DAB1: variants seen among roughly 807,000 people sequenced by gnomAD.
DAB1 encodes DAB adaptor protein 1.
Under a neutral mutation model 64.6 loss-of-function variants are expected in DAB1, and 15 were observed. The ratio of observed to expected loss-of-function variants is 0.23; its 90% CI spans 0.16 to 0.36. DAB1 has a LOEUF of 0.36. Among genes scored for constraint, DAB1 ranks in the 10% least tolerant of loss-of-function variants. DAB1 has a pLI of 1.00. For synonymous variants in DAB1, 235 were observed against 251.9 expected, an observed-to-expected ratio of 0.93 and a Z score of 0.64; for missense variants, 596 against 706.7, an observed-to-expected ratio of 0.84 and a Z score of 1.78.
At chr1:58,127,132 C>T (rs1317287645) in intron 5 of DAB1, among the ~76,000 whole-genome samples, 8 of 151,418 alleles carry the variant, frequency 5.3e-5, no homozygotes, top group Non-Finnish European at 1.0e-4. Context: ...TGTTTCCTGA[C>T]TTTTTAATGA....
intron 14 of DAB1, 122 bp from the exon 15 acceptor site, chr1:56,998,250 A>G (rs945518815): frequency 1.3e-5 from 2 of 152,638 alleles, no homozygotes; most frequent in African/African-American, 4.8e-5. Context: ...GGATGACCTT[A>G]GGTTATTTTT....
At chr1:57,594,555 C>T (rs1001437086) in intron 7 of DAB1, among the ~76,000 whole-genome samples, 2 of 152,170 alleles carry the variant, frequency 1.3e-5, no homozygotes, top group African/African-American at 2.4e-5. Context: ...TAGGAGTCAC[C>T]TGAAATCACC....
intron 2 of DAB1, among the ~76,000 whole-genome samples, chr1:57,259,890 C>T (rs1429578119): frequency 6.6e-6 from 1 of 152,114 alleles, no homozygotes; most frequent in Non-Finnish European, 1.5e-5. Flanking sequence ...TCAACATCAA[C>T]CTCTATTTCT....
intron 2 of DAB1, among the ~76,000 whole-genome samples, chr1:57,189,421 T>A (rs1338265761): frequency 2.6e-5 from 4 of 152,186 alleles, no homozygotes; most frequent in African/African-American, 9.7e-5. Flanking sequence ...GGCCAAGTCG[T>A]GTTAGCCCTC....
chr1:57,553,473 A>AAGGAAGGAAGG (rs373756684), intron 7 of DAB1, among the ~76,000 whole-genome samples: 3 of 25,598 alleles, frequency 1.2e-4, no homozygotes, highest in African/African-American at 1.9e-4. Context: ...AAAGGGAAAG[A>AAGGAAGGAAGG]AAGGAAGGAA....
intron 5 of DAB1, among the ~76,000 whole-genome samples, chr1:57,944,400 C>T (rs1041987172): frequency 1.3e-5 from 2 of 152,166 alleles, no homozygotes; most frequent in African/African-American, 4.8e-5. Flanking sequence ...AGTCCACCCC[C>T]ACGTTACTGC....
chr1:57,411,132 A>AT (rs1461495757), intron 1 of DAB1, among the ~76,000 whole-genome samples: 1 of 152,154 alleles, frequency 6.6e-6, no homozygotes, highest in East Asian at 1.9e-4. Flanking sequence ...TCTCTCTCCC[A>AT]TTTTTTTACA....
chr1:58,116,280 C>T (rs1009332742), intron 5 of DAB1, among the ~76,000 whole-genome samples: 11 of 152,190 alleles, frequency 7.2e-5, no homozygotes, highest in Non-Finnish European at 2.9e-5. Flanking sequence ...CTGGAAGCAT[C>T]TTTGAACAAT....
At chr1:57,312,750 G>T (rs547618825) in intron 1 of DAB1, among the ~76,000 whole-genome samples, 1 of 152,034 alleles carries the variant, frequency 6.6e-6, no homozygotes, top group African/African-American at 2.4e-5. Flanking sequence ...GCAGGGAAAT[G>T]AGGGCCAAAC....
rs146987240 is a variant in DAB1 at position 57,157,948 on chromosome 1, T to C, written c.68-12519A>G. Among the ~76,000 whole-genome samples the C allele has an allele frequency of 3.3e-5, 5 of 152,294 alleles. No homozygotes were observed. In the East Asian group the frequency reaches 5.8e-4, roughly 18 times the overall value. The stretch of plus-strand genomic sequence containing the variant: ...ACGGAGGCACAGGGAAATGAAGTCA[T>C]TGGTGCGAGGCCACGCTGCTAAGGA... On this transcript the variant is annotated intron_variant, in intron 2 of 14. Transcript: ENST00000371236.
upstream of DAB1, among the ~76,000 whole-genome samples, chr1:57,426,875 T>TATATATATATATATATATATATATATA (rs1553180831): frequency 1.2e-4 from 15 of 129,992 alleles, no homozygotes; most frequent in Non-Finnish European, 1.6e-4. Flanking sequence ...TATATATATA[T>TATATATATATATATATATATATATATA]TTTTTTGAGA....
chr1:57,927,652 T>A (rs2102031889), intron 5 of DAB1, among the ~76,000 whole-genome samples: 1 of 152,348 alleles, frequency 6.6e-6, no homozygotes, highest in South Asian at 2.1e-4. Flanking sequence ...CATTCTGATT[T>A]ATAGCGACTT....
chr1:58,098,380 G>A (rs1651115887), intron 5 of DAB1, among the ~76,000 whole-genome samples: 1 of 152,174 alleles, frequency 6.6e-6, no homozygotes, highest in Non-Finnish European at 1.5e-5. Context: ...AGAGAAGGGT[G>A]GTGGTGGCTT....
At chr1:57,165,762 ATG>A (rs1165849013) in intron 2 of DAB1, among the ~76,000 whole-genome samples, 4 of 152,204 alleles carry the variant, frequency 2.6e-5, no homozygotes, top group Non-Finnish European at 5.9e-5. Flanking sequence ...CACCCCAGCT[ATG>A]TGTGTTTCCA....
In DAB1 at chr1:57,116,059, A is replaced by G. The variant is rs573070837; in HGVS notation, c.306+20484T>C. ...TGGTCTCCTGTATCATGAACATGGC[A>G]GTGACCTCTGTGGCTGGGCTTTCCA... is the stretch of plus-strand genomic sequence containing the variant. On this transcript the variant is annotated intron_variant, in intron 4 of 14. Coordinates refer to ENST00000371236, the MANE Select transcript of DAB1 (RefSeq NM_001365792.1). Among the ~76,000 whole-genome samples the G allele has an allele frequency of 8.3e-4, 127 of 152,236 alleles. 1 individual carries two copies. The highest frequency in any genetic ancestry group is 2.9e-3 in the African/African-American group (120 of 41,562).
rs4912300 is a variant in DAB1, at chr1:58,094,293, C to T, written n.387+56218G>A. 6.8e-3 allele frequency among the ~76,000 whole-genome samples: 1,028 copies of T among 152,282 alleles called. 60 individuals carry two copies. The South Asian group carries it at 0.1, about 15-fold the overall frequency. On this transcript the variant is annotated intron_variant and non_coding_transcript_variant, in intron 5 of 20. Coordinates refer to the DAB1 transcript ENST00000485760. ...CTCTGTCATCCCTGTGTAACCAACT[C>T]TCCGAATTAAATATCCTTTGTTTTA...
intron 4 of DAB1, among the ~76,000 whole-genome samples, chr1:57,103,387 C>T (rs1373669282): frequency 6.6e-6 from 1 of 152,224 alleles, no homozygotes; most frequent in African/African-American, 2.4e-5. Context: ...ATCTCACTGA[C>T]TGGCTGTTCT....
intron 5 of DAB1, among the ~76,000 whole-genome samples, chr1:58,095,262 G>A (rs1033257269): frequency 2.0e-5 from 3 of 152,144 alleles, no homozygotes; most frequent in African/African-American, 7.2e-5. Flanking sequence ...TAGTGGAATC[G>A]GAAACTCTAA....
At chr1:57,687,805 T>G (rs1646718821) in intron 6 of DAB1, among the ~76,000 whole-genome samples, 1 of 151,770 alleles carries the variant, frequency 6.6e-6, no homozygotes, top group African/African-American at 2.4e-5. Context: ...CCAACAAAAG[T>G]AAGCAATGGG....
Sources: gnomAD v4.1 joint callset for allele counts (sites outside exome capture counted in the v4.1 genomes callset) on GRCh38, gnomAD v4.1.1 for gene constraint, MANE v1.5 for transcripts, NCBI Gene and HGNC (gene_info 2026-07-23, HGNC 2026-07-21) for gene names.